SULT1C4: variants seen among roughly 807,000 people sequenced by gnomAD.
SULT1C4 encodes the protein sulfotransferase family 1C member 4.
SULT1C4 carries 32 observed loss-of-function variants against 34.8 expected under a neutral mutation model. The ratio of observed to expected loss-of-function variants is 0.92; its 90% CI spans 0.69 to 1.23. The LOEUF is 1.23. Ranked by LOEUF, SULT1C4 falls within the 50% of genes most tolerant of loss-of-function variation. The pLI is 0.00. For synonymous variants in SULT1C4, 111 were observed against 120.5 expected, an observed-to-expected ratio of 0.92 and a Z score of 0.51; for missense variants, 375 against 365.9, an observed-to-expected ratio of 1.02 and a Z score of -0.20.
At position 108,378,118 on chromosome 2, in the gene SULT1C4, C is replaced by T. The variant is rs1032156799; in HGVS notation, c.-220C>T. On this transcript the variant is annotated 5_prime_UTR_variant, in exon 1 of 7. Coordinates refer to ENST00000272452, the MANE Select transcript of SULT1C4 (RefSeq NM_006588.4). Reference sequence around the variant, plus strand: ...GGGCTGCAGTTCCTCAGGAAACTGCCAGTGGACAAAGTCATAAACAAGAGT... The same window carrying T: ...GGGCTGCAGTTCCTCAGGAAACTGCTAGTGGACAAAGTCATAAACAAGAGT... The T allele has an allele frequency of 8.0e-6, 3 of 373,428 alleles. No individual in the cohort carries two copies. The highest frequency in any genetic ancestry group is 6.6e-5 in the African/African-American group (3 of 45,578). 23.1% of individuals were successfully genotyped at this position (373,428 alleles called of 1,614,324 possible). A position where few individuals can be genotyped will look rare whatever the true frequency, so the allele number is the denominator to read the frequency against.
chr2:108,383,373 G>A (rs1558701731), intron 4 of SULT1C4, 43 bp from the exon 5 acceptor site: 1 of 1,602,672 alleles, frequency 6.2e-7, no homozygotes, highest in Non-Finnish European at 8.5e-7. Context: ...GGTATAATAG[G>A]ACCTCTGTGA....
At chr2:108,382,197 T>A (rs1331728843) in intron 2 of SULT1C4, 188 bp from the exon 3 acceptor site, 1 of 611,534 alleles carries the variant, frequency 1.6e-6, no homozygotes, top group African/African-American at 1.9e-5. Context: ...TGGATGACTG[T>A]TATGGTTAGG....
rs1053695418 is a variant in SULT1C4, at chr2:108,388,886, C to A, written c.*1454C>A. ...TGCTTCAATAACCAGTCCCTTCCTC[C>A]TACAAACACTACAACCTGGAAAGCA... On this transcript the variant is annotated 3_prime_UTR_variant, in exon 7 of 7. Transcript: ENST00000272452. Among the ~76,000 whole-genome samples, 2 of 152,206 alleles carry A rather than the reference C, an allele frequency of 1.3e-5. No individual in the cohort carries two copies. The highest frequency in any genetic ancestry group is 2.4e-5 in the African/African-American group (1 of 41,452).
intron 1 of SULT1C4, among the ~76,000 whole-genome samples, chr2:108,378,724 TC>T (rs1678310654): frequency 8.4e-6 from 1 of 119,554 alleles, no homozygotes; most frequent in African/African-American, 3.3e-5. Context: ...ATGATGTACT[TC>T]CTTTTTTTTT....
In SULT1C4 at chr2:108,384,237, A is replaced by T. The variant is rs547734080; in HGVS notation, c.615+727A>T. 5.9e-3 allele frequency among the ~76,000 whole-genome samples: 872 copies of T among 147,956 alleles called. 4 individuals are homozygous for T. Among genetic ancestry groups the T allele is most frequent in the South Asian group, 0.014 (67 of 4,734 alleles). ...ATTTATTTATTTATTTATTTATTTT[A>T]TTTATTTTTTGAGACGGAGTCTCAC... On this transcript the variant is annotated intron_variant, in intron 5 of 6. Coordinates refer to ENST00000272452, the MANE Select transcript of SULT1C4 (RefSeq NM_006588.4).
chr2:108,387,190 A>C (rs1268852701), intron 6 of SULT1C4, 130 bp from the exon 7 acceptor site: 1 of 642,870 alleles, frequency 1.6e-6, no homozygotes, highest in East Asian at 2.9e-5. Context: ...CAGGATAGCA[A>C]GAGAAACGTT....
At chr2:108,383,862 TG>T (rs5833284) in intron 5 of SULT1C4, among the ~76,000 whole-genome samples, 16,355 of 134,772 alleles carry the variant, frequency 0.12, 1,151 homozygotes, top group African/African-American at 0.27. Flanking sequence ...GGGTTTTTTT[TG>T]TTTTTGTTTT....
rs112375818 is a variant in SULT1C4 at position 108,383,854 on chromosome 2, GT to G, written c.615+352del. On this transcript the variant is annotated intron_variant, in intron 5 of 6. Transcript: ENST00000272452. ...ACATTTTGGTTTCTTTGGTTTTTGG[GT>G]TTTTTTTGTTTTTGTTTTTGTTTTT... Among the ~76,000 whole-genome samples, 803 of 140,950 alleles carry G rather than the reference GT, an allele frequency of 5.7e-3. 6 individuals are homozygous for G. The highest frequency in any genetic ancestry group is 0.037 in the South Asian group (165 of 4,430). The allele number at this position is 140,950 out of a possible 152,430, so 92.5% of individuals were successfully genotyped here.
chr2:108,384,812 T>G (rs530589429), intron 5 of SULT1C4, among the ~76,000 whole-genome samples: 1 of 152,324 alleles, frequency 6.6e-6, no homozygotes, highest in South Asian at 2.1e-4. Flanking sequence ...ACAGTGTCTG[T>G]TCTTGAATTG....
In SULT1C4 at chr2:108,378,180, C is replaced by T; in HGVS notation, c.-158C>T. 1.6e-6 allele frequency: 1 copy of T among 612,734 alleles called. No individual in the cohort carries two copies. The highest frequency in any genetic ancestry group is 2.7e-6 in the Non-Finnish European group (1 of 368,678). 38.0% of individuals were successfully genotyped at this position (612,734 alleles called of 1,614,324 possible). ...GGAACCTGAGTCGGGAGGCCTGCAA[C>T]TCACTTTCTCCCTGTTTGCTGGCCC... On this transcript the variant is annotated 5_prime_UTR_variant, in exon 1 of 7. Transcript: ENST00000272452.
intron 3 of SULT1C4, 167 bp downstream of exon 3, chr2:108,382,649 A>G: frequency 1.6e-6 from 1 of 609,156 alleles, no homozygotes; most frequent in Non-Finnish European, 2.9e-6. Context: ...CATGCCTGTA[A>G]TCACAGCATT....
Position 108,388,873 on chromosome 2 carries a change from C to T in SULT1C4, c.*1441C>T, listed in dbSNP as rs537540599. Among the ~76,000 whole-genome samples the T allele has an allele frequency of 6.6e-5, 10 of 152,314 alleles. No individual in the cohort carries two copies. Among genetic ancestry groups the T allele is most frequent in the African/African-American group, 2.2e-4 (9 of 41,576 alleles). On this transcript the variant is annotated 3_prime_UTR_variant, in exon 7 of 7. Coordinates refer to ENST00000272452, the MANE Select transcript of SULT1C4 (RefSeq NM_006588.4). ...AAGACATACCACGTGCTTCAATAAC[C>T]AGTCCCTTCCTCCTACAAACACTAC...
chr2:108,384,379 C>A (rs907003946), intron 5 of SULT1C4, among the ~76,000 whole-genome samples: 2 of 152,082 alleles, frequency 1.3e-5, no homozygotes. Context: ...TATAGGCACC[C>A]GCCAGCACGC....
At chr2:108,383,568 T>G in intron 5 of SULT1C4, 58 bp downstream of exon 5, 3 of 1,479,926 alleles carry the variant, frequency 2.0e-6, no homozygotes, top group Non-Finnish European at 2.8e-6. Context: ...TAAGTCATAA[T>G]GCATTGACCC....
chr2:108,381,809 G>A lies in SULT1C4; in HGVS notation c.217G>A (p.Asp73Asn), dbSNP rs756152475. Residue 73 changes from aspartate (D) to asparagine (N), a missense_variant, in exon 2 of 7, where the codon GAT becomes AAT. By Grantham distance (23) the Asp-to-Asn change is conservative. Transcript: ENST00000272452. ...AGTGGAATTAATACAAAATGAAGGT[G>A]ATGTGGAGAAAAGTAAACGGGCACC... ...EIVELIQNEG[D>N]VEKSKRAPTH... 1.1e-5 allele frequency: 16 copies of A among 1,494,310 alleles called. No individual in the cohort carries two copies. The highest frequency in any genetic ancestry group is 5.3e-6 in the Non-Finnish European group (6 of 1,126,212). 92.6% of individuals were successfully genotyped at this position (1,494,310 alleles called of 1,614,324 possible).
At position 108,387,644 on chromosome 2, in the gene SULT1C4, C is replaced by T; in HGVS notation, c.*212C>T. The T allele has an allele frequency of 3.8e-6, 2 of 525,842 alleles. No homozygotes were observed. The highest frequency in any genetic ancestry group is 2.7e-5 in the South Asian group (1 of 37,256). The allele number at this position is 525,842 out of a possible 1,614,324, so 32.6% of individuals were successfully genotyped here. A position where few individuals can be genotyped will look rare whatever the true frequency, so the allele number is the denominator to read the frequency against. On this transcript the variant is annotated 3_prime_UTR_variant, in exon 7 of 7. Coordinates refer to ENST00000272452, the MANE Select transcript of SULT1C4 (RefSeq NM_006588.4). The stretch of plus-strand genomic sequence containing the variant: ...GTGGCGACATGGAGAGAGGGAAGCT[C>T]AATAAATCACTAGGTACAATCCTGG...
Position 108,383,415 on chromosome 2 carries a change from G to C in SULT1C4, c.521-1G>C. On this transcript the variant is annotated splice_acceptor_variant, in intron 4 of 6. Coordinates refer to ENST00000272452, the MANE Select transcript of SULT1C4 (RefSeq NM_006588.4). LOFTEE classifies it high-confidence loss of function. ...GTCCTGTTTTCCATCCCATCCTCCA[G>C]TGTGCTGGGGCTCCTGGCATGAACA... 1 of 1,613,912 alleles carries C rather than the reference G, an allele frequency of 6.2e-7. No individual in the cohort carries two copies. The highest frequency in any genetic ancestry group is 2.2e-5 in the East Asian group (1 of 44,884).
In SULT1C4 at chr2:108,387,344, A is replaced by G; in HGVS notation, c.821A>G (p.His274Arg). Residue 274 changes from histidine to arginine, a missense_variant, in exon 7 of 7, where the codon CAC (histidine) becomes CGC (arginine). Transcript: ENST00000272452. ...GGGGCAGTGGGAGACTGGAAGAAAC[A>G]CTTCACCGTGGCTCAGAATGAGAGA... ...RKGAVGDWKKHFTVAQNERFD... is the reference protein window; with the variant it reads ...RKGAVGDWKKRFTVAQNERFD... 6.2e-7 allele frequency: 1 copy of G among 1,613,786 alleles called. No homozygotes were observed. The highest frequency in any genetic ancestry group is 8.5e-7 in the Non-Finnish European group (1 of 1,179,860).
chr2:108,379,070 G>A (rs973445000), intron 1 of SULT1C4, among the ~76,000 whole-genome samples: 2 of 152,064 alleles, frequency 1.3e-5, no homozygotes, highest in East Asian at 3.8e-4. Context: ...AGCTTAAGCC[G>A]AGCCACCACG....
Sources: gnomAD v4.1 joint callset for allele counts (sites outside exome capture counted in the v4.1 genomes callset) on GRCh38, gnomAD v4.1.1 for gene constraint, MANE v1.5 for transcripts, NCBI Gene and HGNC (gene_info 2026-07-23, HGNC 2026-07-21) for gene names.